Variants in FOXP1 observed in about 807,000 individuals in gnomAD.
The protein encoded by FOXP1 is forkhead box protein P1.
In FOXP1, 15 loss-of-function variants were observed where a neutral mutation model predicts 98.2. The observed-to-expected ratio is 0.15, with a 90% CI of 0.10 to 0.24. FOXP1 has a LOEUF of 0.24. FOXP1 is among the 10% of genes least tolerant of loss of function. The pLI is 1.00. For missense variants in FOXP1, 633 were observed against 848.5 expected, an observed-to-expected ratio of 0.75 and a Z score of 3.15; for synonymous variants, 371 against 314.5, an observed-to-expected ratio of 1.18 and a Z score of -1.90.
intron 5 of FOXP1, among the ~76,000 whole-genome samples, chr3:71,252,240 G>A (rs1448026583): frequency 6.6e-6 from 1 of 152,154 alleles, no homozygotes; most frequent in Non-Finnish European, 1.5e-5. Flanking sequence ...AGAGGGAAAA[G>A]TTGAAGGAAT....
At chr3:71,444,371 T>TG (rs2108469707) in intron 3 of FOXP1, among the ~76,000 whole-genome samples, 1 of 80,498 alleles carries the variant, frequency 1.2e-5, no homozygotes, top group East Asian at 2.3e-4. Context: ...CAATCAAGGA[T>TG]TTTTTTTTTT....
At chr3:71,308,563 T>A (rs1321277902) in intron 4 of FOXP1, among the ~76,000 whole-genome samples, 1 of 152,192 alleles carries the variant, frequency 6.6e-6, no homozygotes, top group African/African-American at 2.4e-5. Flanking sequence ...GTTAGGACTG[T>A]AAGTTTCCTG....
intron 3 of FOXP1, among the ~76,000 whole-genome samples, chr3:71,445,460 G>C (rs1464864306): frequency 1.3e-5 from 2 of 152,040 alleles, no homozygotes; most frequent in Non-Finnish European, 2.9e-5. Flanking sequence ...GCTCTGTCCA[G>C]AGCTTCTCAA....
Position 71,124,142 on chromosome 3 carries a change from T to TA in FOXP1, c.181-11506dup, listed in dbSNP as rs397708537. Among the ~76,000 whole-genome samples the TA allele has an allele frequency of 6.1e-3, 912 of 150,118 alleles. 3 individuals carry two copies. The highest frequency in any genetic ancestry group is 0.014 in the Middle Eastern group (4 of 292). On this transcript the variant is annotated intron_variant, in intron 6 of 20. Coordinates refer to ENST00000649528, the MANE Select transcript of FOXP1 (RefSeq NM_001349338.3). ...AATAAAAGTTAAAGTTATATTTTTT[T>TA]AAAAAAAAAATGATACAGAGGGACT...
chr3:71,342,298 A>G (rs1193794954), intron 4 of FOXP1, among the ~76,000 whole-genome samples: 1 of 152,240 alleles, frequency 6.6e-6, no homozygotes. Flanking sequence ...CTCAAACCCT[A>G]TAAAGATAGT....
intron 6 of FOXP1, among the ~76,000 whole-genome samples, chr3:71,114,904 A>C (rs2058240540): frequency 6.6e-6 from 1 of 152,200 alleles, no homozygotes; most frequent in African/African-American, 2.4e-5. Flanking sequence ...AAGTGGGCAG[A>C]GTGAAGATTT....
At chr3:71,340,285 G>A (rs2076935928) in intron 4 of FOXP1, among the ~76,000 whole-genome samples, 2 of 152,302 alleles carry the variant, frequency 1.3e-5, no homozygotes, top group African/African-American at 4.8e-5. Flanking sequence ...ATGTATTTGT[G>A]CAGAAACTAG....
Position 71,432,315 on chromosome 3 carries a change from T to A in FOXP1, c.-168+61111A>T, listed in dbSNP as rs536560288. ...TGCTACTTTCCTGCACCCATCGAGT[T>A]GATTTTTCCATCTCCTCCCCGGCCC... On this transcript the variant is annotated intron_variant, in intron 3 of 20. Coordinates refer to ENST00000649528, the MANE Select transcript of FOXP1 (RefSeq NM_001349338.3). Among the ~76,000 whole-genome samples the A allele has an allele frequency of 3.0e-3, 450 of 152,252 alleles. 4 individuals are homozygous for A. Among genetic ancestry groups the A allele is most frequent in the South Asian group, 5.2e-3 (25 of 4,826 alleles).
At chr3:71,553,466 T>C (rs182934171) in intron 2 of FOXP1, among the ~76,000 whole-genome samples, 43 of 152,290 alleles carry the variant, frequency 2.8e-4, no homozygotes, top group Admixed American at 2.5e-3. Flanking sequence ...CAAATACAGT[T>C]ACAGAATTTC....
At chr3:71,157,190 T>A (rs1023143892) in intron 6 of FOXP1, among the ~76,000 whole-genome samples, 7 of 152,120 alleles carry the variant, frequency 4.6e-5, no homozygotes, top group African/African-American at 1.7e-4. Flanking sequence ...CAAACAGGTA[T>A]AGATTTTCAA....
At chr3:71,427,267 A>G (rs541100924) in intron 3 of FOXP1, among the ~76,000 whole-genome samples, 20 of 152,286 alleles carry the variant, frequency 1.3e-4, no homozygotes, top group Admixed American at 2.6e-4. Context: ...ATGGCTGCAG[A>G]ATACATGAAT....
intron 3 of FOXP1, among the ~76,000 whole-genome samples, chr3:71,473,957 C>A (rs1487974899): frequency 2.0e-5 from 3 of 152,202 alleles, no homozygotes; most frequent in African/African-American, 7.2e-5. Context: ...CATGCCCTGG[C>A]ACAGAGTAGG....
intron 4 of FOXP1, among the ~76,000 whole-genome samples, chr3:71,303,273 C>T (rs1479840245): frequency 6.6e-6 from 1 of 152,174 alleles, no homozygotes; most frequent in Non-Finnish European, 1.5e-5. Flanking sequence ...CAATCTTCAG[C>T]CTACCCAATA....
intron 12 of FOXP1, among the ~76,000 whole-genome samples, chr3:71,008,677 A>T (rs1270041176): frequency 1.3e-5 from 2 of 152,174 alleles, no homozygotes; most frequent in African/African-American, 4.8e-5. Context: ...ATTCTGATAA[A>T]GCGTCCCTCT....
intron 7 of FOXP1, among the ~76,000 whole-genome samples, chr3:71,055,077 T>C (rs1187563739): frequency 6.6e-6 from 1 of 152,254 alleles, no homozygotes; most frequent in Non-Finnish European, 1.5e-5. Context: ...ATTAATTTTA[T>C]GTAACATAAT....
chr3:71,240,662 G>T (rs1159565794), intron 5 of FOXP1, among the ~76,000 whole-genome samples: 1 of 151,766 alleles, frequency 6.6e-6, no homozygotes, highest in African/African-American at 2.4e-5. Context: ...CCTGCCTCAG[G>T]TCCCGAGTAG....
intron 5 of FOXP1, among the ~76,000 whole-genome samples, chr3:71,199,187 C>T (rs543929823): frequency 6.6e-6 from 1 of 151,608 alleles, no homozygotes; most frequent in African/African-American, 2.4e-5. Context: ...TGCTCACTGC[C>T]TCCGCCTCCC....
intron 2 of FOXP1, among the ~76,000 whole-genome samples, chr3:71,536,496 C>T (rs550025395): frequency 1.3e-5 from 2 of 151,516 alleles, no homozygotes; most frequent in South Asian, 2.1e-4. Context: ...GTACTAAAGT[C>T]GAAGGACTCT....
At chr3:71,350,051 C>T (rs115086779) in intron 4 of FOXP1, among the ~76,000 whole-genome samples, 4,022 of 152,238 alleles carry the variant, frequency 0.026, 68 homozygotes, top group Middle Eastern at 0.065. Context: ...TCACTTATTA[C>T]GTATTTATTA....
Sources: allele counts gnomAD v4.1 joint callset (sites outside exome capture counted in the v4.1 genomes callset), GRCh38; gene constraint gnomAD v4.1.1; transcripts MANE v1.5; gene names NCBI Gene and HGNC (gene_info 2026-07-23, HGNC 2026-07-21).